Variants in QTGAL observed in about 807,000 individuals in gnomAD.
QTGAL encodes BGnT-like protein 1.
the QTGAL span, among the ~76,000 whole-genome samples, chr17:83,000,987 G>A: frequency 1.3e-5 from 2 of 152,208 alleles, no homozygotes; most frequent in African/African-American, 4.8e-5. Flanking sequence ...GAGGAAACTT[G>A]GGGTGTTGGA....
chr17:82,965,095 G>A, the QTGAL span, among the ~76,000 whole-genome samples: 766 of 130,670 alleles, frequency 5.9e-3, 5 homozygotes, highest in Non-Finnish European at 6.2e-3. Context: ...ACGGGGACAC[G>A]GATGCCTGCA....
the QTGAL span, among the ~76,000 whole-genome samples, chr17:82,967,851 T>C: frequency 6.6e-6 from 1 of 151,842 alleles, no homozygotes. Flanking sequence ...GGGAGGATCC[T>C]TTGAGCTCCG....
the QTGAL span, chr17:83,005,952 AG>A: frequency 8.3e-7 from 1 of 1,199,680 alleles, no homozygotes; most frequent in South Asian, 2.7e-5. This position sits in a 1 kb window ranked among gnomAD's most constrained non-coding sequence, Gnocchi z 5.6. Flanking sequence ...CAGAGGTAGG[AG>A]GGCAGGTCCT....
At chr17:82,952,932 C>T in the QTGAL span, among the ~76,000 whole-genome samples, 151 of 152,232 alleles carry the variant, frequency 9.9e-4, no homozygotes, top group African/African-American at 3.5e-3. Context: ...ACAACCTGCT[C>T]CTGAATGACT....
chr17:82,977,908 A>G, the QTGAL span, among the ~76,000 whole-genome samples: 1 of 152,156 alleles, frequency 6.6e-6, no homozygotes. Context: ...TTTGGTGCCC[A>G]GCATTTCCGC....
chr17:83,007,130 C>T, the QTGAL span: 2 of 832,188 alleles, frequency 2.4e-6, no homozygotes, highest in Non-Finnish European at 2.9e-6. Context: ...GTATTTTGCT[C>T]ATTTTCTAAT....
the QTGAL span, among the ~76,000 whole-genome samples, chr17:83,023,537 C>T: frequency 1.6e-4 from 24 of 152,270 alleles, no homozygotes; most frequent in African/African-American, 3.9e-4. Context: ...GAAAAACACA[C>T]TTCCTCACTC....
the QTGAL span, among the ~76,000 whole-genome samples, chr17:83,028,522 C>CAAAAAA: frequency 1.9e-5 from 1 of 52,260 alleles, no homozygotes. Flanking sequence ...GACTCCATCT[C>CAAAAAA]AAAAAAAAAA....
At chr17:82,981,392 C>T in the QTGAL span, 38,184 of 152,234 alleles carry the variant, frequency 0.25, 4,940 homozygotes, top group East Asian at 0.37. Flanking sequence ...ATGCCTCCCC[C>T]GCCGCACCCA....
At chr17:82,958,456 G>A in the QTGAL span, among the ~76,000 whole-genome samples, 8 of 152,184 alleles carry the variant, frequency 5.3e-5, no homozygotes, top group Admixed American at 3.9e-4. Flanking sequence ...CCCTGAGCAG[G>A]GCCCTCGTGG....
the QTGAL span, among the ~76,000 whole-genome samples, chr17:83,001,486 A>G: frequency 7.2e-5 from 11 of 152,182 alleles, no homozygotes; most frequent in Admixed American, 3.3e-4. Flanking sequence ...TATGAAACAG[A>G]AAGTCCCAGG....
chr17:82,962,591 G>A, the QTGAL span, among the ~76,000 whole-genome samples: 1 of 122,000 alleles, frequency 8.2e-6, no homozygotes, highest in African/African-American at 2.8e-5. Context: ...GGGTGCTGGT[G>A]GGCACGGACC....
At chr17:83,023,127 C>T in the QTGAL span, among the ~76,000 whole-genome samples, 2 of 89,550 alleles carry the variant, frequency 2.2e-5, no homozygotes, top group African/African-American at 9.7e-5. Context: ...AGCACTGTCC[C>T]CGGCCCACCT....
chr17:83,047,489 C>T, the QTGAL span, among the ~76,000 whole-genome samples: 7 of 126,574 alleles, frequency 5.5e-5, no homozygotes, highest in East Asian at 2.6e-4. Context: ...TAATAAATCC[C>T]TACCAAAGAA....
the QTGAL span, among the ~76,000 whole-genome samples, chr17:82,993,423 AAC>A: frequency 6.6e-6 from 1 of 152,166 alleles, no homozygotes; most frequent in Non-Finnish European, 1.5e-5. Context: ...AAGAGAATAT[AAC>A]AGTCATAAAT....
At chr17:82,970,888 C>T in the QTGAL span, among the ~76,000 whole-genome samples, 28 of 152,164 alleles carry the variant, frequency 1.8e-4, no homozygotes, top group Non-Finnish European at 2.5e-4. Context: ...GCTGCCTTTG[C>T]GGGGGGCCTC....
chr17:82,959,602 G>T, the QTGAL span, among the ~76,000 whole-genome samples: 1 of 151,970 alleles, frequency 6.6e-6, no homozygotes, highest in Admixed American at 6.6e-5. Flanking sequence ...GTCTCGGGGC[G>T]GGGGGACGAG....
the QTGAL span, among the ~76,000 whole-genome samples, chr17:82,958,495 C>T: frequency 3.3e-5 from 5 of 152,300 alleles, no homozygotes; most frequent in Non-Finnish European, 5.9e-5. Flanking sequence ...GGCAGGATTT[C>T]GCTGTTCTAC....
At chr17:83,020,397 G>A in the QTGAL span, among the ~76,000 whole-genome samples, 1 of 152,186 alleles carries the variant, frequency 6.6e-6, no homozygotes, top group African/African-American at 2.4e-5. Flanking sequence ...CCACTTCCAG[G>A]AACGGACGAA....
Sources: allele counts gnomAD v4.1 joint callset (sites outside exome capture counted in the v4.1 genomes callset), GRCh38; gene constraint gnomAD v4.1.1; non-coding constraint Gnocchi (gnomAD v3.1); transcripts MANE v1.5; gene names NCBI Gene and HGNC (gene_info 2026-07-23, HGNC 2026-07-21).